Variants in DPP10 observed in about 807,000 individuals in gnomAD.
The protein encoded by DPP10 is dipeptidyl peptidase like 10.
Under a neutral mutation model 120.9 loss-of-function variants are expected in DPP10, and 33 were observed. The ratio of observed to expected loss-of-function variants is 0.27; its 90% CI spans 0.21 to 0.37. The LOEUF (loss-of-function observed/expected upper bound fraction) is 0.37, where lower values mean the gene tolerates loss of function less well. DPP10 is among the 10% of genes least tolerant of loss of function. DPP10 has a pLI of 1.00. For synonymous variants in DPP10, 337 were observed against 326.1 expected, an observed-to-expected ratio of 1.03 and a Z score of -0.36; for missense variants, 816 against 942.8, an observed-to-expected ratio of 0.87 and a Z score of 1.76.
intron 1 of DPP10, among the ~76,000 whole-genome samples, chr2:114,978,405 C>A (rs1040909124): frequency 6.6e-6 from 1 of 152,184 alleles, no homozygotes; most frequent in Admixed American, 6.5e-5. Flanking sequence ...AAGCTCTCCT[C>A]TATATAACCA....
At chr2:114,777,977 A>T (rs946413696) in intron 1 of DPP10, among the ~76,000 whole-genome samples, 46 of 152,066 alleles carry the variant, frequency 3.0e-4, no homozygotes, top group Non-Finnish European at 2.2e-4. Flanking sequence ...TCTAAATTTG[A>T]ATTTGTCGTG....
chr2:115,820,794 G>GGTGTTTGTGT, intron 21 of DPP10, among the ~76,000 whole-genome samples: 1 of 112,740 alleles, frequency 8.9e-6, no homozygotes, highest in South Asian at 3.0e-4. Context: ...AGTATTCCAT[G>GGTGTTTGTGT]GTGTATGTGT....
chr2:115,677,196 T>C (rs934661708), intron 5 of DPP10, among the ~76,000 whole-genome samples: 1 of 152,148 alleles, frequency 6.6e-6, no homozygotes, highest in Non-Finnish European at 1.5e-5. Context: ...TAAGAAAGTC[T>C]TACATTTGAA....
intron 5 of DPP10, among the ~76,000 whole-genome samples, chr2:115,586,599 T>C (rs774638987): frequency 1.3e-5 from 2 of 152,220 alleles, no homozygotes; most frequent in Non-Finnish European, 2.9e-5. Context: ...TCCCACAGGC[T>C]CACCTTCTTT....
At chr2:115,384,231 A>G (rs984557474) in intron 3 of DPP10, among the ~76,000 whole-genome samples, 2 of 152,110 alleles carry the variant, frequency 1.3e-5, no homozygotes, top group African/African-American at 4.8e-5. Flanking sequence ...AACCCAGTCC[A>G]GGCAGGTTGG....
In DPP10 at chr2:115,207,416, C is replaced by CAAAAAAAAAAAAAAAAAAAAAAAAAA. The variant is rs57462947; in HGVS notation, c.61-101818_61-101793dup. On this transcript the variant is annotated intron_variant, in intron 1 of 25. Coordinates refer to ENST00000410059, the MANE Select transcript of DPP10 (RefSeq NM_020868.6). ...GGTTTTTAAAGAGTGCTTACTGCAC[C>CAAAAAAAAAAAAAAAAAAAAAAAAAA]AAAAAAAAAAAAAAAAAAAAAAAAA... Among the ~76,000 whole-genome samples, 4 of 52,312 alleles carry CAAAAAAAAAAAAAAAAAAAAAAAAAA rather than the reference C, an allele frequency of 7.6e-5. 1 individual carries two copies. The highest frequency in any genetic ancestry group is 2.6e-4 in the African/African-American group (4 of 15,146). 34.3% of individuals were successfully genotyped at this position (52,312 alleles called of 152,430 possible).
chr2:115,486,017 T>C (rs1254917210), intron 3 of DPP10, among the ~76,000 whole-genome samples: 2 of 152,158 alleles, frequency 1.3e-5, no homozygotes, highest in African/African-American at 4.8e-5. Flanking sequence ...GATATGTTCA[T>C]GATTGCCACT....
At chr2:115,383,256 G>A (rs185378860) in intron 3 of DPP10, among the ~76,000 whole-genome samples, 18 of 152,284 alleles carry the variant, frequency 1.2e-4, no homozygotes, top group Non-Finnish European at 2.6e-4. Context: ...AGGTCTTTCC[G>A]ATGCTGTTCT....
At chr2:114,505,106 G>A (rs967439367) in intron 1 of DPP10, among the ~76,000 whole-genome samples, 21 of 146,638 alleles carry the variant, frequency 1.4e-4, no homozygotes, top group Non-Finnish European at 3.0e-4. Flanking sequence ...CAGATCAACA[G>A]GAGAATATCA....
intron 2 of DPP10, among the ~76,000 whole-genome samples, chr2:115,339,460 A>G (rs4849392): frequency 0.89 from 134,710 of 152,188 alleles, 59,684 homozygotes; most frequent in Non-Finnish European, 0.9. Context: ...TTGGGCATTT[A>G]TCTTGGAGAA....
At chr2:114,504,962 G>C (rs1683507597) in intron 1 of DPP10, among the ~76,000 whole-genome samples, 1 of 142,952 alleles carries the variant, frequency 7.0e-6, no homozygotes, top group Non-Finnish European at 1.5e-5. Flanking sequence ...TGACTCAGGA[G>C]AATCGCTTGA....
chr2:114,996,852 C>T (rs1414299143), intron 1 of DPP10, among the ~76,000 whole-genome samples: 2 of 151,696 alleles, frequency 1.3e-5, no homozygotes, highest in Non-Finnish European at 2.9e-5. Flanking sequence ...CGTGGTGGCG[C>T]ACAGCTGTAC....
chr2:114,523,778 A>G (rs1685266516), intron 1 of DPP10, among the ~76,000 whole-genome samples: 1 of 152,062 alleles, frequency 6.6e-6, no homozygotes, highest in African/African-American at 2.4e-5. Context: ...GTGTTGCTTT[A>G]TGCCCTCCAG....
At chr2:115,449,930 C>T (rs578022232) in intron 3 of DPP10, among the ~76,000 whole-genome samples, 19 of 151,978 alleles carry the variant, frequency 1.3e-4, no homozygotes, top group South Asian at 4.1e-4. Context: ...TTTTATTATT[C>T]GGAGACAAAT....
At chr2:114,699,347 A>G (rs1700254267) in intron 1 of DPP10, among the ~76,000 whole-genome samples, 1 of 152,102 alleles carries the variant, frequency 6.6e-6, no homozygotes, top group Non-Finnish European at 1.5e-5. Flanking sequence ...TAGCACAAGA[A>G]CATATTTTGA....
intron 10 of DPP10, among the ~76,000 whole-genome samples, chr2:115,750,490 G>T (rs1411905551): frequency 6.6e-6 from 1 of 152,174 alleles, no homozygotes; most frequent in African/African-American, 2.4e-5. Context: ...TCATTCTTCA[G>T]ATTGTGTTTA....
chr2:115,249,612 A>T (rs1448910079), intron 1 of DPP10, among the ~76,000 whole-genome samples: 1 of 152,126 alleles, frequency 6.6e-6, no homozygotes, highest in Non-Finnish European at 1.5e-5. Context: ...AAATGATCTG[A>T]TCGGAAATTC....
intron 5 of DPP10, among the ~76,000 whole-genome samples, chr2:115,543,029 A>G (rs2079267547): frequency 6.6e-6 from 1 of 151,960 alleles, no homozygotes; most frequent in African/African-American, 2.4e-5. Context: ...TTGGCATGAG[A>G]CGGGAAGCAT....
intron 1 of DPP10, among the ~76,000 whole-genome samples, chr2:115,016,732 G>A (rs1702669060): frequency 6.6e-6 from 1 of 151,904 alleles, no homozygotes. Flanking sequence ...CATTTATGCA[G>A]CCAACAGACA....
Sources: allele counts gnomAD v4.1 joint callset (sites outside exome capture counted in the v4.1 genomes callset), GRCh38; gene constraint gnomAD v4.1.1; transcripts MANE v1.5; gene names NCBI Gene and HGNC (gene_info 2026-07-23, HGNC 2026-07-21).